USP47: variants seen among roughly 807,000 people sequenced by gnomAD.
USP47 encodes the protein ubiquitin carboxyl-terminal hydrolase 47.
A neutral mutation model predicts 165.1 loss-of-function variants in USP47; 35 were observed. That is an observed-to-expected ratio of 0.21 (90% confidence interval 0.16 to 0.28). USP47 has a LOEUF of 0.28. Ranked by LOEUF, USP47 falls within the 10% of genes least tolerant of loss-of-function variation. USP47 has a pLI of 1.00. For missense variants in USP47, 1,277 were observed against 1,607.4 expected (o/e 0.79, Z 3.52); for synonymous variants, 531 against 544.5 (o/e 0.98, Z 0.35).
chr11:11,869,181 T>C (rs1016703873), intron 1 of USP47, among the ~76,000 whole-genome samples: 2 of 152,196 alleles, frequency 1.3e-5, no homozygotes. Context: ...GGCTAAGGAC[T>C]CTGCCTAGCC....
intron 1 of USP47, among the ~76,000 whole-genome samples, chr11:11,868,438 G>A (rs1461395552): frequency 6.6e-6 from 1 of 152,114 alleles, no homozygotes; most frequent in Admixed American, 6.5e-5. Flanking sequence ...TAATTTTCTG[G>A]AAGTTTTTTC....
intron 8 of USP47, among the ~76,000 whole-genome samples, chr11:11,908,844 G>C (rs1211348666): frequency 6.6e-6 from 1 of 152,134 alleles, no homozygotes; most frequent in Non-Finnish European, 1.5e-5. Context: ...ATCTCAGATT[G>C]AGTTCTGTTC....
At chr11:11,868,770 C>T (rs1255818255) in intron 1 of USP47, among the ~76,000 whole-genome samples, 8 of 151,442 alleles carry the variant, frequency 5.3e-5, no homozygotes, top group Non-Finnish European at 1.2e-4. Flanking sequence ...TTCAATTTCT[C>T]TACTTTGCCA....
intron 3 of USP47, among the ~76,000 whole-genome samples, 187 bp from the exon 4 acceptor site, chr11:11,891,781 A>G (rs930178789): frequency 3.3e-5 from 5 of 152,220 alleles, no homozygotes; most frequent in Admixed American, 2.0e-4. Context: ...AGTACCAAAA[A>G]TCTTCTCTCA....
chr11:11,873,201 TGAA>T lies in USP47; in HGVS notation c.40-6971_40-6969del, dbSNP rs200807503. Among the ~76,000 whole-genome samples the T allele has an allele frequency of 7.4e-3, 1,132 of 152,238 alleles. 17 individuals are homozygous for T. Among genetic ancestry groups the T allele is most frequent in the African/African-American group, 0.026 (1,087 of 41,552 alleles). On this transcript the variant is annotated intron_variant, in intron 1 of 27. Transcript: ENST00000527733. ...AATATGTTGATTTCTTTTTATTAAC[TGAA>T]GAAGGGAGAATAAGACAAAATATGT...
intron 4 of USP47, among the ~76,000 whole-genome samples, 179 bp downstream of exon 4, chr11:11,892,285 T>C (rs1851565122): frequency 1.3e-5 from 2 of 152,146 alleles, no homozygotes; most frequent in Admixed American, 1.3e-4. Context: ...AACCCACTCG[T>C]TTCTACTATA....
At chr11:11,888,458 T>C (rs546927216) in intron 3 of USP47, among the ~76,000 whole-genome samples, 2 of 152,072 alleles carry the variant, frequency 1.3e-5, no homozygotes, top group East Asian at 3.9e-4. Context: ...ATAGAAAATA[T>C]GGATAAATTC....
chr11:11,853,451 T>C (rs1477589967), intron 1 of USP47, among the ~76,000 whole-genome samples: 1 of 152,208 alleles, frequency 6.6e-6, no homozygotes. Context: ...TTGGCAGTGA[T>C]GGCAGATGAC....
chr11:11,873,086 G>A (rs1024550408), intron 1 of USP47, among the ~76,000 whole-genome samples: 1 of 152,128 alleles, frequency 6.6e-6, no homozygotes. Flanking sequence ...AGCAATGGTG[G>A]CTATTTTAGA....
In USP47 at chr11:11,950,417, A is replaced by C; in HGVS notation, c.3518A>C (p.Tyr1173Ser). 6.2e-7 allele frequency: 1 copy of C among 1,608,544 alleles called. No homozygotes were observed. Among genetic ancestry groups the C allele is most frequent in the Non-Finnish European group, 8.5e-7 (1 of 1,178,260 alleles). The change falls in exon 24 of 28, where the codon TAT (tyrosine) becomes TCT (serine). Residue 1173 changes from tyrosine to serine, a missense_variant. Around this residue, in one of 4 missense-constraint regions of USP47, gnomAD observed 909 missense variants for 1,068.1 expected, o/e 0.85. Coordinates refer to ENST00000527733, the MANE Select transcript of USP47 (RefSeq NM_001282659.2). ...AATCCTGGCACTGTCTTTTTGGATT[A>C]TCATATTTATGAAGAAGATATTAAT... ...WKNPGTVFLD[Y>S]HIYEEDINIS... is the part of the protein sequence containing the mutation.
In USP47 at chr11:11,891,957, T is replaced by G; in HGVS notation, c.358-11T>G. On this transcript the variant is annotated splice_polypyrimidine_tract_variant and intron_variant, in intron 3 of 27. Transcript: ENST00000527733. ...GCTATTTACTAACTATTTGAATATG[T>G]TGCATTTTAGGAGGATTCCAGTGCT... 6.2e-7 allele frequency: 1 copy of G among 1,608,382 alleles called. No homozygotes were observed. Among genetic ancestry groups the G allele is most frequent in the Non-Finnish European group, 8.5e-7 (1 of 1,178,044 alleles).
chr11:11,847,371 C>A (rs1040938456), intron 1 of USP47, among the ~76,000 whole-genome samples: 1 of 151,456 alleles, frequency 6.6e-6, no homozygotes, highest in Non-Finnish European at 1.5e-5. Flanking sequence ...TGTATAGCTT[C>A]AACCTTTGAT....
intron 1 of USP47, among the ~76,000 whole-genome samples, chr11:11,876,863 C>G (rs533570192): frequency 2.4e-4 from 37 of 152,172 alleles, no homozygotes; most frequent in African/African-American, 7.2e-4. Flanking sequence ...TGACTTCTGT[C>G]ACATTCTCTT....
At chr11:11,934,898 T>G (rs1243638498) in intron 16 of USP47, among the ~76,000 whole-genome samples, 1 of 152,150 alleles carries the variant, frequency 6.6e-6, no homozygotes, top group African/African-American at 2.4e-5. Flanking sequence ...AATTGCATAC[T>G]ACATCATTTT....
intron 1 of USP47, among the ~76,000 whole-genome samples, chr11:11,866,909 AT>A (rs1564856245): frequency 6.7e-6 from 1 of 148,522 alleles, no homozygotes; most frequent in African/African-American, 2.5e-5. Context: ...TTTTACTTTT[AT>A]TTTTTGAGAC....
At chr11:11,953,463 T>G (rs1856353078) in intron 25 of USP47, among the ~76,000 whole-genome samples, 1 of 152,000 alleles carries the variant, frequency 6.6e-6, no homozygotes, top group Non-Finnish European at 1.5e-5. Context: ...TAAAAATATT[T>G]TCATATTCCT....
At chr11:11,925,552 A>G (rs1413972261) in intron 11 of USP47, among the ~76,000 whole-genome samples, 1 of 151,500 alleles carries the variant, frequency 6.6e-6, no homozygotes, top group Non-Finnish European at 1.5e-5. Context: ...GAAACAATAA[A>G]TTGTTAGTAT....
At chr11:11,889,334 G>A (rs566329530) in intron 3 of USP47, among the ~76,000 whole-genome samples, 1 of 151,872 alleles carries the variant, frequency 6.6e-6, no homozygotes. Context: ...CATAAAATCA[G>A]CTTAAGCTGA....
At chr11:11,880,511 G>A (rs1221175347) in intron 2 of USP47, 131 bp downstream of exon 2, 4 of 582,706 alleles carry the variant, frequency 6.9e-6, no homozygotes, top group African/African-American at 3.9e-5. Flanking sequence ...AAGAGCCTAT[G>A]TGCAGCTCAG....
Sources: allele counts gnomAD v4.1 joint callset (sites outside exome capture counted in the v4.1 genomes callset), GRCh38; gene constraint gnomAD v4.1.1; regional missense constraint gnomAD v4.1.1; transcripts MANE v1.5; gene names NCBI Gene and HGNC (gene_info 2026-07-23, HGNC 2026-07-21).